The following APBA1 variants were observed in gnomAD, a reference collection of about 807,000 sequenced individuals.
The protein encoded by APBA1 is amyloid-beta A4 precursor protein-binding family A member 1.
Under a neutral mutation model 86.6 loss-of-function variants are expected in APBA1, and 55 were observed. That is an observed-to-expected ratio of 0.64 (90% confidence interval 0.51 to 0.80). The LOEUF is 0.80. APBA1 is among the 30% of genes least tolerant of loss of function. The pLI, the probability that APBA1 is intolerant of heterozygous loss-of-function variation, is 0.00. For missense variants in APBA1, 1,090 were observed against 1,183.0 expected (o/e 0.92, Z 1.15); for synonymous variants, 511 against 493.9 (o/e 1.03, Z -0.46).
intron 9 of APBA1, among the ~76,000 whole-genome samples, chr9:69,450,995 C>T: frequency 6.6e-6 from 1 of 152,168 alleles, no homozygotes; most frequent in Non-Finnish European, 1.5e-5. Context: ...GGACTTCTGG[C>T]CACAAGGTCT....
chr9:69,612,193 T>A (rs1339134040), intron 1 of APBA1, among the ~76,000 whole-genome samples: 1 of 152,074 alleles, frequency 6.6e-6, no homozygotes, highest in Non-Finnish European at 1.5e-5. Context: ...GGTTCTTATA[T>A]AGGTGAACTC....
At chr9:69,590,746 G>A (rs939384403) in intron 1 of APBA1, among the ~76,000 whole-genome samples, 2 of 152,168 alleles carry the variant, frequency 1.3e-5, no homozygotes, top group African/African-American at 4.8e-5. Context: ...TGCATACACT[G>A]TGCTTCCCCT....
chr9:69,513,967 T>C (rs1379181151), intron 2 of APBA1, among the ~76,000 whole-genome samples: 1 of 152,200 alleles, frequency 6.6e-6, no homozygotes, highest in Non-Finnish European at 1.5e-5. Context: ...CATTTTTAAA[T>C]GAAAGGCTTC....
At chr9:69,635,005 C>T (rs1357029509) in intron 1 of APBA1, among the ~76,000 whole-genome samples, 2 of 151,998 alleles carry the variant, frequency 1.3e-5, no homozygotes, top group Non-Finnish European at 2.9e-5. Flanking sequence ...GAAAAGTATG[C>T]TAATGAACAA....
At chr9:69,520,225 C>T (rs1246720173) in intron 1 of APBA1, among the ~76,000 whole-genome samples, 1 of 151,848 alleles carries the variant, frequency 6.6e-6, no homozygotes, top group Non-Finnish European at 1.5e-5. Context: ...TCCCTACACA[C>T]AAGAGGACTG....
At chr9:69,451,914 C>T (rs1835016212) in intron 9 of APBA1, among the ~76,000 whole-genome samples, 1 of 152,200 alleles carries the variant, frequency 6.6e-6, no homozygotes, top group African/African-American at 2.4e-5. Context: ...GGATGTGCTG[C>T]CTCTCTGTTT....
intron 1 of APBA1, among the ~76,000 whole-genome samples, chr9:69,577,026 T>C (rs1399774345): frequency 6.6e-6 from 1 of 152,178 alleles, no homozygotes; most frequent in Admixed American, 6.5e-5. Context: ...TGCACATATC[T>C]ATGGGGTACA....
intron 1 of APBA1, among the ~76,000 whole-genome samples, chr9:69,611,285 G>GA (rs56357426): frequency 0.26 from 29,102 of 111,456 alleles, 3,761 homozygotes; most frequent in East Asian, 0.39. Flanking sequence ...ACCAGAAAAG[G>GA]AAAAAAAAAA....
chr9:69,516,067 G>A lies in APBA1; in HGVS notation c.1144C>T (p.Arg382Cys). ...DEPKEPIWVM[R>C]QDISPTRDCD... is the part of the protein sequence containing the mutation. ...TCCCTGGTGGGGCTAATGTCCTGGC[G>A]CATGACCCAGATGGGCTCTTTGGGC... Residue 382 changes from arginine (R) to cysteine (C), a missense_variant, in exon 2 of 13, where the codon CGC becomes TGC. Transcript: ENST00000265381. This position sits in a 1 kb window ranked among gnomAD's most constrained non-coding sequence, Gnocchi z 7.3. 1.2e-6 allele frequency: 2 copies of A among 1,612,378 alleles called. No individual in the cohort carries two copies. Among genetic ancestry groups the A allele is most frequent in the African/African-American group, 1.3e-5 (1 of 74,936 alleles).
intron 1 of APBA1, among the ~76,000 whole-genome samples, chr9:69,525,051 T>C (rs918230486): frequency 3.9e-5 from 6 of 152,142 alleles, no homozygotes; most frequent in African/African-American, 4.8e-5. Flanking sequence ...TAAAAAGCCC[T>C]TAAGAAAGTA....
intron 1 of APBA1, among the ~76,000 whole-genome samples, chr9:69,598,568 T>G (rs1376093559): frequency 6.6e-6 from 1 of 151,902 alleles, no homozygotes; most frequent in Non-Finnish European, 1.5e-5. Flanking sequence ...GTGGTGGTGA[T>G]AGGAAGCAGA....
intron 2 of APBA1, among the ~76,000 whole-genome samples, chr9:69,514,963 G>C (rs747281059): frequency 6.6e-6 from 1 of 152,134 alleles, no homozygotes; most frequent in Non-Finnish European, 1.5e-5. Flanking sequence ...AAAAAGGCTT[G>C]GAAGGCTATC....
At position 69,620,873 on chromosome 9, in the gene APBA1, CT is replaced by C. The variant is rs140595727; in HGVS notation, c.-70+51279del. 5.3e-3 allele frequency among the ~76,000 whole-genome samples: 811 copies of C among 152,298 alleles called. 5 individuals are homozygous for C. The highest frequency in any genetic ancestry group is 0.02 in the Middle Eastern group (6 of 294). The stretch of plus-strand genomic sequence containing the variant: ...GGGCTGGTGCGGTCACACGAAGGAG[CT>C]GCACAGTTGGACGACAGTGAAGCTC... On this transcript the variant is annotated intron_variant, in intron 1 of 12. Coordinates refer to ENST00000265381, the MANE Select transcript of APBA1 (RefSeq NM_001163.4).
chr9:69,483,334 C>A (rs1835553781), intron 2 of APBA1, among the ~76,000 whole-genome samples: 1 of 151,974 alleles, frequency 6.6e-6, no homozygotes, highest in African/African-American at 2.4e-5. Flanking sequence ...GCAAAGGAAG[C>A]AAAATAACCC....
chr9:69,496,608 A>G (rs1283244522), intron 2 of APBA1, among the ~76,000 whole-genome samples: 2 of 152,038 alleles, frequency 1.3e-5, no homozygotes, highest in African/African-American at 4.8e-5. Context: ...TCTAATCCGA[A>G]TCAGTGGGAT....
intron 11 of APBA1, among the ~76,000 whole-genome samples, chr9:69,439,855 T>A (rs1162834565): frequency 6.6e-6 from 1 of 152,170 alleles, no homozygotes; most frequent in Non-Finnish European, 1.5e-5. Flanking sequence ...GGAGGAGAGG[T>A]GCTCTGGTTT....
At chr9:69,505,078 T>A (rs1835934318) in intron 2 of APBA1, among the ~76,000 whole-genome samples, 1 of 151,896 alleles carries the variant, frequency 6.6e-6, no homozygotes, top group African/African-American at 2.4e-5. Context: ...ACCTCATCAG[T>A]GTGTTAGTCA....
intron 1 of APBA1, among the ~76,000 whole-genome samples, chr9:69,607,170 G>A (rs1164945874): frequency 6.6e-6 from 1 of 152,142 alleles, no homozygotes. Context: ...ACCCAAGACT[G>A]GGTAATATAT....
intron 1 of APBA1, among the ~76,000 whole-genome samples, chr9:69,670,633 C>T (rs949532590): frequency 9.2e-5 from 14 of 152,140 alleles, no homozygotes; most frequent in African/African-American, 3.4e-4. Context: ...TCCCTGCCTA[C>T]CTCTACCCAA....
Sources: allele counts gnomAD v4.1 joint callset (sites outside exome capture counted in the v4.1 genomes callset), GRCh38; gene constraint gnomAD v4.1.1; non-coding constraint Gnocchi (gnomAD v3.1); transcripts MANE v1.5; gene names NCBI Gene and HGNC (gene_info 2026-07-23, HGNC 2026-07-21).